FARP2: variants seen among roughly 807,000 people sequenced by gnomAD.
The protein encoded by FARP2 is FERM, ARH/RhoGEF and pleckstrin domain protein 2, also known as FERM, ARHGEF and pleckstrin domain-containing protein 2.
In FARP2, 111 loss-of-function variants were observed where a neutral mutation model predicts 130.5. The observed-to-expected ratio is 0.85, with a 90% CI of 0.73 to 1.00. FARP2 has a LOEUF of 1.00. FARP2 is among the 50% of genes least tolerant of loss of function. The probability of loss-of-function intolerance (pLI) is 0.00; values close to 1 mark genes in which losing one functional copy is unlikely to be tolerated. For synonymous variants in FARP2, 504 were observed against 516.9 expected (o/e 0.98, Z 0.34); for missense variants, 1,385 against 1,346.3 (o/e 1.03, Z -0.45).
chr2:241,418,402 C>G (rs1011100193), intron 8 of FARP2, among the ~76,000 whole-genome samples: 2 of 152,140 alleles, frequency 1.3e-5, no homozygotes, highest in Admixed American at 1.3e-4. Flanking sequence ...CCAGGGCTGC[C>G]CACTGCCTCT....
rs1373638864 is a variant in FARP2 at position 241,480,810 on chromosome 2, TTGAG to T, written c.2263-2653_2263-2650del. 2.0e-5 allele frequency among the ~76,000 whole-genome samples: 3 copies of T among 152,224 alleles called. No individual in the cohort carries two copies. The East Asian group carries it at 5.8e-4, about 29-fold the overall frequency. On this transcript the variant is annotated intron_variant, in intron 19 of 26. Transcript: ENST00000264042. ...CTTCCATTTAAATCTTTGATCCATT[TTGAG>T]TTAGTTTTTGTGTATAGTGGAAGGT...
At chr2:241,420,747 A>G (rs771548769) in intron 8 of FARP2, among the ~76,000 whole-genome samples, 28 of 152,196 alleles carry the variant, frequency 1.8e-4, no homozygotes, top group Non-Finnish European at 3.5e-4. Context: ...TAGCAGGTTT[A>G]CTGCCTGGCC....
intron 19 of FARP2, chr2:241,477,765 A>G (rs2064512243): frequency 6.6e-6 from 1 of 152,310 alleles, no homozygotes; most frequent in Non-Finnish European, 1.5e-5. Flanking sequence ...GTGAGTGTGT[A>G]ATGCTGTCTT....
At chr2:241,451,578 G>T (rs1325068714) in intron 13 of FARP2, among the ~76,000 whole-genome samples, 2 of 152,040 alleles carry the variant, frequency 1.3e-5, no homozygotes, top group African/African-American at 4.8e-5. Context: ...TTTATAAAAG[G>T]GACTCTCGAA....
At chr2:241,479,289 A>G (rs1249424115) in intron 19 of FARP2, among the ~76,000 whole-genome samples, 3 of 152,212 alleles carry the variant, frequency 2.0e-5, no homozygotes, top group African/African-American at 7.2e-5. Flanking sequence ...AAGATCATGT[A>G]AAGGACAGAG....
chr2:241,376,348 A>G (rs2061536415), intron 2 of FARP2, among the ~76,000 whole-genome samples: 1 of 152,210 alleles, frequency 6.6e-6, no homozygotes, highest in Admixed American at 6.5e-5. Flanking sequence ...CGAGGGGTGG[A>G]GAAGTAGAGG....
Position 241,494,491 on chromosome 2 carries a change from C to T in FARP2, c.*366C>T, listed in dbSNP as rs985673054. The T allele has an allele frequency of 2.4e-5, 4 of 165,936 alleles. No individual in the cohort carries two copies. The highest frequency in any genetic ancestry group is 2.0e-4 in the South Asian group (1 of 4,966). The allele number at this position is 165,936 out of a possible 1,614,324, so 10.3% of individuals were successfully genotyped here. On this transcript the variant is annotated 3_prime_UTR_variant, in exon 27 of 27. Transcript: ENST00000264042. The surrounding 1 kb of genome is among the most constrained non-coding windows in gnomAD (Gnocchi z 4.9). ...TCTCTCCCCAGAGCAGGGTCCCTGC[C>T]GAGGACTGGCCTAGAGCAAGCACTG...
intron 2 of FARP2, among the ~76,000 whole-genome samples, chr2:241,384,097 T>C (rs2061729325): frequency 6.7e-6 from 1 of 149,178 alleles, no homozygotes; most frequent in Non-Finnish European, 1.5e-5. Context: ...GCATTCACCA[T>C]GACCTAGTGG....
Position 241,459,222 on chromosome 2 carries a change from G to A in FARP2, c.1587+2300G>A, listed in dbSNP as rs1012628166. 1.3e-5 allele frequency among the ~76,000 whole-genome samples: 2 copies of A among 152,236 alleles called. No homozygotes were observed. Among genetic ancestry groups the A allele is most frequent in the African/African-American group, 2.4e-5 (1 of 41,456 alleles). ...TAGGTTCCCACCAGAGTACCCCTCT[G>A]TGCTGACCTCATGAACCAGTGTGCC... is the stretch of plus-strand genomic sequence containing the variant. On this transcript the variant is annotated intron_variant, in intron 14 of 26. Transcript: ENST00000264042. The surrounding 1 kb of genome is among the most constrained non-coding windows in gnomAD (Gnocchi z 5.3).
At chr2:241,490,165 C>G in intron 22 of FARP2, 121 bp downstream of exon 22, 2 of 705,096 alleles carry the variant, frequency 2.8e-6, no homozygotes, top group East Asian at 5.2e-5. Flanking sequence ...GGGTTGTGCC[C>G]CCTTTGACTC....
chr2:241,492,995 G>GTCTT lies in FARP2; in HGVS notation c.2856_2859dup (p.Thr954LeufsTer15). 1 of 1,611,556 alleles carries GTCTT rather than the reference G, an allele frequency of 6.2e-7. No homozygotes were observed. Among genetic ancestry groups the GTCTT allele is most frequent in the Non-Finnish European group, 8.5e-7 (1 of 1,177,742 alleles). On this transcript the variant is annotated frameshift_variant, in exon 25 of 27. Coordinates refer to ENST00000264042, the MANE Select transcript of FARP2 (RefSeq NM_014808.4). LOFTEE classifies it high-confidence loss of function. Reference sequence around the variant, plus strand: ...TCATGGCTGGCAGAAGCTCTGGGTCGTCTTTACCAACTTCTGTTTGTTCTT... The same window carrying GTCTT: ...TCATGGCTGGCAGAAGCTCTGGGTCGTCTTTCTTTACCAACTTCTGTTTGTTCTT...
intron 8 of FARP2, among the ~76,000 whole-genome samples, chr2:241,423,270 A>G (rs1362559060): frequency 6.6e-6 from 1 of 152,254 alleles, no homozygotes; most frequent in Admixed American, 6.5e-5. Context: ...ACCTCTCAGC[A>G]GAAACCCTAC....
chr2:241,402,876 ATATATTTTTTT>A (rs1355134061), intron 2 of FARP2, among the ~76,000 whole-genome samples: 233 of 10,438 alleles, frequency 0.022, 20 homozygotes, highest in Admixed American at 0.16. Flanking sequence ...ATATATATAT[ATATATTTTTTT>A]TTTTTTTTTT....
intron 1 of FARP2, among the ~76,000 whole-genome samples, chr2:241,366,432 G>A (rs2061321930): frequency 6.6e-6 from 1 of 151,722 alleles, no homozygotes; most frequent in South Asian, 2.1e-4. Flanking sequence ...CACTCTAAAG[G>A]AAATAATACA....
chr2:241,418,159 T>C lies in FARP2; in HGVS notation c.771+50T>C, dbSNP rs765115629. The C allele has an allele frequency of 1.9e-6, 3 of 1,598,894 alleles. No individual in the cohort carries two copies. In the East Asian group the frequency reaches 6.7e-5, roughly 36 times the overall value. On this transcript the variant is annotated intron_variant, in intron 8 of 26. Coordinates refer to ENST00000264042, the MANE Select transcript of FARP2 (RefSeq NM_014808.4). ...TGAGAACAGGGCAGGGGAGGTTTTC[T>C]GCAACCTGGTGGGGTTTGTTCTTAT...
rs142360355 is a variant in FARP2 at position 241,381,728 on chromosome 2, G to A, written c.183+8438G>A. ...AGTGATCTCTGTTCTTTGAGAGAGTGCATTCTACTTTTTTACCTTACCAAG... is the reference window on the plus strand; with the variant it reads ...AGTGATCTCTGTTCTTTGAGAGAGTACATTCTACTTTTTTACCTTACCAAG... On this transcript the variant is annotated intron_variant, in intron 2 of 26. Coordinates refer to ENST00000264042, the MANE Select transcript of FARP2 (RefSeq NM_014808.4). Among the ~76,000 whole-genome samples the A allele has an allele frequency of 1.2e-3, 182 of 152,294 alleles. 1 individual carries two copies. Among genetic ancestry groups the A allele is most frequent in the African/African-American group, 3.9e-3 (163 of 41,546 alleles).
At chr2:241,417,914 C>G in intron 7 of FARP2, 48 bp from the exon 8 acceptor site, 4 of 1,601,444 alleles carry the variant, frequency 2.5e-6, no homozygotes, top group South Asian at 1.1e-5. Context: ...TTGGCTCTTT[C>G]AGAAATCAAG....
Position 241,494,442 on chromosome 2 carries a change from AC to A in FARP2, c.*319del, listed in dbSNP as rs1395482708. ...GCCTGAGCAGTGCTCTCGGCATCGG[AC>A]CAAAGCCTGGGCACACCCTGCCTCT... On this transcript the variant is annotated 3_prime_UTR_variant, in exon 27 of 27. Transcript: ENST00000264042. The surrounding 1 kb of genome is among the most constrained non-coding windows in gnomAD (Gnocchi z 4.9). The A allele has an allele frequency of 9.8e-6, 2 of 204,792 alleles. No individual in the cohort carries two copies. The highest frequency in any genetic ancestry group is 4.6e-5 in the African/African-American group (2 of 43,490). 12.7% of individuals were successfully genotyped at this position (204,792 alleles called of 1,614,324 possible).
At chr2:241,458,326 G>A (rs556873807) in intron 14 of FARP2, among the ~76,000 whole-genome samples, 17 of 152,258 alleles carry the variant, frequency 1.1e-4, no homozygotes, top group Admixed American at 1.1e-3. Flanking sequence ...GTATGTCATT[G>A]TGACACCTCA....
Sources: gnomAD v4.1 joint callset for allele counts (sites outside exome capture counted in the v4.1 genomes callset) on GRCh38, gnomAD v4.1.1 for gene constraint, Gnocchi (gnomAD v3.1) non-coding constraint, MANE v1.5 for transcripts, NCBI Gene and HGNC (gene_info 2026-07-23, HGNC 2026-07-21) for gene names.